Variants in MYO9A observed in about 807,000 individuals in gnomAD.
MYO9A encodes the protein myosin IXA, also known as unconventional myosin-IXa.
MYO9A carries 103 observed loss-of-function variants against 293.3 expected under a neutral mutation model. The observed-to-expected ratio is 0.35, with a 90% CI of 0.30 to 0.41. MYO9A has a LOEUF of 0.41. Ranked by LOEUF, MYO9A falls within the 10% of genes least tolerant of loss-of-function variation. The probability of loss-of-function intolerance (pLI) is 1.00; values close to 1 mark genes in which losing one functional copy is unlikely to be tolerated. For missense variants in MYO9A, 2,685 were observed against 3,033.0 expected (o/e 0.89, Z 2.69); for synonymous variants, 1,001 against 1,035.7 (o/e 0.97, Z 0.64).
At chr15:71,910,009 AAAT>A (rs1205754436) in intron 19 of MYO9A, among the ~76,000 whole-genome samples, 3 of 151,202 alleles carry the variant, frequency 2.0e-5, no homozygotes, top group East Asian at 1.9e-4. Context: ...TAAAATATTA[AAAT>A]AATAAGTGTA....
intron 4 of MYO9A, among the ~76,000 whole-genome samples, chr15:72,023,015 CAATGAACTACAGAAAGTCACATTT>C (rs567707972): frequency 5.8e-4 from 89 of 152,194 alleles, no homozygotes; most frequent in Admixed American, 2.6e-3. Context: ...TAAACGTGTT[CAATGAACTACAGAAAGTCACATTT>C]AATGAACTAA....
Position 72,045,659 on chromosome 15 carries a change from C to T in MYO9A, c.840+65G>A, listed in dbSNP as rs528393776. 7 of 1,476,838 alleles carry T rather than the reference C, an allele frequency of 4.7e-6. No homozygotes were observed. The Admixed American group carries it at 6.7e-5, about 14-fold the overall frequency. 91.5% of individuals were successfully genotyped at this position (1,476,838 alleles called of 1,614,324 possible). A position where few individuals can be genotyped will look rare whatever the true frequency, so the allele number is the denominator to read the frequency against. Reference sequence around the variant, plus strand: ...TATTGCAGTACCTCCAGGAATGGTACACCCCCCCACCTCAAAGGATAAAAA... The same window carrying T: ...TATTGCAGTACCTCCAGGAATGGTATACCCCCCCACCTCAAAGGATAAAAA... On this transcript the variant is annotated intron_variant, in intron 2 of 41. Coordinates refer to ENST00000356056, the MANE Select transcript of MYO9A (RefSeq NM_006901.4).
rs544320287 is a variant in MYO9A at position 71,925,606 on chromosome 15, G to T, written c.2562+8064C>A. Among the ~76,000 whole-genome samples the T allele has an allele frequency of 5.4e-4, 82 of 151,328 alleles. No individual in the cohort carries two copies. The South Asian group carries it at 0.017, about 32-fold the overall frequency. Reference sequence around the variant, plus strand: ...TATGGGGCTTACATTTTAAAATCTTGTATTTATAATGGACTATTTTAAACA... The same window carrying T: ...TATGGGGCTTACATTTTAAAATCTTTTATTTATAATGGACTATTTTAAACA... On this transcript the variant is annotated intron_variant, in intron 18 of 41. Transcript: ENST00000356056.
chr15:72,114,818 T>C (rs2080909628), intron 1 of MYO9A, among the ~76,000 whole-genome samples: 1 of 152,174 alleles, frequency 6.6e-6, no homozygotes, highest in African/African-American at 2.4e-5. Flanking sequence ...GAAAAGTCTT[T>C]GACTAATATT....
chr15:71,868,066 C>T (rs902211081), intron 32 of MYO9A, among the ~76,000 whole-genome samples: 1 of 152,188 alleles, frequency 6.6e-6, no homozygotes, highest in Non-Finnish European at 1.5e-5. Context: ...TGACGCTTCT[C>T]AGAGTCAGAG....
intron 1 of MYO9A, among the ~76,000 whole-genome samples, chr15:72,111,259 G>T (rs2080770056): frequency 6.6e-6 from 1 of 152,000 alleles, no homozygotes; most frequent in South Asian, 2.1e-4. Context: ...GGAGGCCAAG[G>T]CAGGCAGATC....
At chr15:72,053,451 C>T (rs1483972328) in intron 1 of MYO9A, among the ~76,000 whole-genome samples, 1 of 152,110 alleles carries the variant, frequency 6.6e-6, no homozygotes, top group Non-Finnish European at 1.5e-5. Flanking sequence ...CCATGTGGCA[C>T]ATATACACCA....
chr15:72,082,475 G>C (rs2079576670), intron 1 of MYO9A, among the ~76,000 whole-genome samples: 1 of 152,032 alleles, frequency 6.6e-6, no homozygotes, highest in Non-Finnish European at 1.5e-5. Context: ...CAAGGACATG[G>C]ACAGGGACAT....
At chr15:71,956,224 A>T (rs2146783386) in intron 14 of MYO9A, among the ~76,000 whole-genome samples, 1 of 147,934 alleles carries the variant, frequency 6.8e-6, no homozygotes, top group Admixed American at 6.7e-5. Context: ...GCAGGAAGAT[A>T]ACATGAGCCC....
At position 71,983,851 on chromosome 15, in the gene MYO9A, C is replaced by T. The variant is rs763471374; in HGVS notation, c.1723-5559G>A. Among the ~76,000 whole-genome samples the T allele has an allele frequency of 1.9e-3, 285 of 152,286 alleles. 1 individual carries two copies. The highest frequency in any genetic ancestry group is 6.8e-3 in the Middle Eastern group (2 of 294). ...CTCATTAATATTCATTTAGATTCAA[C>T]GACTTTTTTATAATTTTCATTGCTC... On this transcript the variant is annotated intron_variant, in intron 11 of 41. Transcript: ENST00000356056.
At chr15:71,850,921 T>A (rs935649096) in intron 37 of MYO9A, among the ~76,000 whole-genome samples, 1 of 152,048 alleles carries the variant, frequency 6.6e-6, no homozygotes, top group African/African-American at 2.4e-5. Flanking sequence ...TTCCTGAGAA[T>A]GATCTGAACC....
rs891534914 is a variant in MYO9A, at chr15:72,052,603, C to G, written c.-71-5969G>C. On this transcript the variant is annotated intron_variant, in intron 1 of 41. Coordinates refer to ENST00000356056, the MANE Select transcript of MYO9A (RefSeq NM_006901.4). ...AGTCCAGACCTGGGGGCTCCCCAAG[C>G]CAGGGCTCTGACACCCTCTTTGGGG... Among the ~76,000 whole-genome samples the G allele has an allele frequency of 3.0e-4, 45 of 152,214 alleles. 1 individual carries two copies. Among genetic ancestry groups the G allele is most frequent in the Admixed American group, 2.9e-3 (45 of 15,286 alleles).
intron 2 of MYO9A, 78 bp from the exon 3 acceptor site, chr15:72,032,666 T>G (rs961327330): frequency 3.6e-6 from 3 of 829,884 alleles, no homozygotes; most frequent in Non-Finnish European, 5.5e-6. Flanking sequence ...GGTCAGCTGC[T>G]TAGGTCAGCT....
chr15:71,890,088 A>G (rs925418172), intron 26 of MYO9A: 2 of 152,228 alleles, frequency 1.3e-5, no homozygotes, highest in African/African-American at 4.8e-5. Flanking sequence ...GTGAGATATT[A>G]CTAAGACACA....
chr15:72,089,019 T>A (rs1005920047), intron 1 of MYO9A, among the ~76,000 whole-genome samples: 1 of 152,230 alleles, frequency 6.6e-6, no homozygotes, highest in Non-Finnish European at 1.5e-5. Context: ...AGAGTATCCC[T>A]TATGAACTCA....
At chr15:72,013,500 C>A (rs1450339892) in intron 6 of MYO9A, among the ~76,000 whole-genome samples, 2 of 152,192 alleles carry the variant, frequency 1.3e-5, no homozygotes, top group Non-Finnish European at 2.9e-5. Context: ...ACTGTTACAA[C>A]CCCTTCCACT....
At chr15:72,030,911 G>A (rs76002035) in intron 3 of MYO9A, among the ~76,000 whole-genome samples, 6 of 152,260 alleles carry the variant, frequency 3.9e-5, no homozygotes, top group East Asian at 1.9e-4. Flanking sequence ...GCATGGACTC[G>A]TAGCGGTCCA....
intron 18 of MYO9A, among the ~76,000 whole-genome samples, chr15:71,925,321 GTACATATATACGTA>G: frequency 4.4e-5 from 1 of 22,944 alleles, no homozygotes; most frequent in East Asian, 5.3e-4. Context: ...ATACGTATAT[GTACATATATACGTA>G]TATGTACATA....
chr15:72,109,901 A>T (rs1049640406), intron 1 of MYO9A, among the ~76,000 whole-genome samples: 2 of 151,832 alleles, frequency 1.3e-5, no homozygotes, highest in African/African-American at 2.4e-5. Context: ...GTCTCACAAA[A>T]AAATAAATAA....
Sources: gnomAD v4.1 joint callset for allele counts (sites outside exome capture counted in the v4.1 genomes callset) on GRCh38, gnomAD v4.1.1 for gene constraint, MANE v1.5 for transcripts, NCBI Gene and HGNC (gene_info 2026-07-23, HGNC 2026-07-21) for gene names.